The following DIP2C variants were observed in gnomAD, a reference collection of about 807,000 sequenced individuals.
DIP2C encodes the protein disco-interacting protein 2 homolog C.
DIP2C carries 33 observed loss-of-function variants against 192.4 expected under a neutral mutation model. The ratio of observed to expected loss-of-function variants is 0.17; its 90% CI spans 0.13 to 0.23. The LOEUF (loss-of-function observed/expected upper bound fraction) is 0.23, where lower values mean the gene tolerates loss of function less well. Among genes scored for constraint, DIP2C ranks in the 10% least tolerant of loss-of-function variants. The pLI is 1.00. For synonymous variants in DIP2C, 979 were observed against 864.1 expected (o/e 1.13, Z -2.33); for missense variants, 1,537 against 2,110.1 (o/e 0.73, Z 5.32).
chr10:568,522 C>A (rs977027175), intron 1 of DIP2C, among the ~76,000 whole-genome samples: 3 of 152,046 alleles, frequency 2.0e-5, no homozygotes, highest in Non-Finnish European at 2.9e-5. Context: ...AATCCCAGCA[C>A]TTTGGGAGGC....
chr10:517,479 G>T (rs1006046191), intron 1 of DIP2C, among the ~76,000 whole-genome samples: 7 of 152,164 alleles, frequency 4.6e-5, no homozygotes, highest in Admixed American at 3.3e-4. Context: ...CATGAAGACA[G>T]GGTCACTCTG....
intron 3 of DIP2C, among the ~76,000 whole-genome samples, chr10:456,575 G>C (rs1057307331): frequency 6.6e-6 from 1 of 152,222 alleles, no homozygotes; most frequent in African/African-American, 2.4e-5. Context: ...CCTGGTTAGT[G>C]TGACCCAAGT....
At position 370,375 on chromosome 10, in the gene DIP2C, C is replaced by T. The variant is rs573364295; in HGVS notation, c.1992-742G>A. Among the ~76,000 whole-genome samples the T allele has an allele frequency of 2.6e-5, 4 of 152,316 alleles. No homozygotes were observed. The South Asian group carries it at 6.2e-4, about 24-fold the overall frequency. On this transcript the variant is annotated intron_variant, in intron 17 of 36. Transcript: ENST00000280886. ...GCCTTGGGGCTTCTGTGCTGGTTCT[C>T]GCTGCTACCCAGGACGTTCCTCCGG...
At chr10:410,498 C>T (rs1007988374) in intron 8 of DIP2C, among the ~76,000 whole-genome samples, 1 of 152,192 alleles carries the variant, frequency 6.6e-6, no homozygotes, top group East Asian at 1.9e-4. Flanking sequence ...TGGAAAAGAT[C>T]ACTGGCTCAT....
chr10:433,102 T>C (rs934390500), intron 4 of DIP2C, among the ~76,000 whole-genome samples: 2 of 152,250 alleles, frequency 1.3e-5, no homozygotes, highest in Admixed American at 1.3e-4. Flanking sequence ...ATGTCAATTA[T>C]ATACAGTTGA....
intron 1 of DIP2C, among the ~76,000 whole-genome samples, chr10:642,547 G>C (rs1414538953): frequency 6.6e-6 from 1 of 152,224 alleles, no homozygotes; most frequent in African/African-American, 2.4e-5. Flanking sequence ...TAACACATTG[G>C]CCAACACAAC....
Position 316,061 on chromosome 10 carries a change from T to G in DIP2C, c.3925-5969A>C, listed in dbSNP as rs1364326042. On this transcript the variant is annotated intron_variant, in intron 31 of 36. Coordinates refer to ENST00000280886, the MANE Select transcript of DIP2C (RefSeq NM_014974.3). ...ATACCCCCCACCTCTTCATAGATGT[T>G]GTACACCTTTTCAACGAATTTCTGG... Among the ~76,000 whole-genome samples the G allele has an allele frequency of 4.6e-5, 7 of 152,186 alleles. No homozygotes were observed. The East Asian group carries it at 1.2e-3, about 25-fold the overall frequency.
At chr10:541,914 G>C (rs778910039) in intron 1 of DIP2C, among the ~76,000 whole-genome samples, 1 of 152,168 alleles carries the variant, frequency 6.6e-6, no homozygotes, top group South Asian at 2.1e-4. Context: ...GTCGGGTCAA[G>C]CACCAACAAT....
At chr10:621,752 C>T (rs138651293) in intron 1 of DIP2C, among the ~76,000 whole-genome samples, 63 of 152,304 alleles carry the variant, frequency 4.1e-4, no homozygotes, top group African/African-American at 1.3e-3. Context: ...GAACAAAAGA[C>T]GGCAGGAGCT....
intron 1 of DIP2C, among the ~76,000 whole-genome samples, chr10:520,616 G>GC (rs1846641449): frequency 6.6e-6 from 1 of 152,166 alleles, no homozygotes; most frequent in Admixed American, 6.5e-5. Context: ...TGTCTGAGCA[G>GC]CTCCCTGCTC....
At position 636,450 on chromosome 10, in the gene DIP2C, C is replaced by T. The variant is rs538147073; in HGVS notation, c.85+53044G>A. 4.6e-5 allele frequency among the ~76,000 whole-genome samples: 7 copies of T among 152,232 alleles called. No homozygotes were observed. In the East Asian group the frequency reaches 1.2e-3, roughly 25 times the overall value. On this transcript the variant is annotated intron_variant, in intron 1 of 36. Coordinates refer to ENST00000280886, the MANE Select transcript of DIP2C (RefSeq NM_014974.3). The surrounding 1 kb of genome is among the most constrained non-coding windows in gnomAD (Gnocchi z 4.6). ...TGTAGATTATACAGAGAGACAGATT[C>T]GTTTCTCCTCTGGAGCCAGTTGAAG... is the stretch of plus-strand genomic sequence containing the variant.
intron 5 of DIP2C, among the ~76,000 whole-genome samples, chr10:421,501 T>C (rs957924564): frequency 6.6e-6 from 1 of 152,088 alleles, no homozygotes; most frequent in Admixed American, 6.5e-5. Flanking sequence ...GGATCCAATA[T>C]ACACATGGAA....
At position 344,952 on chromosome 10, in the gene DIP2C, C is replaced by G. The variant is rs764818631; in HGVS notation, c.3344-34G>C. The G allele has an allele frequency of 1.3e-5, 21 of 1,604,622 alleles. No homozygotes were observed. The South Asian group carries it at 2.2e-4, about 17-fold the overall frequency. ...GAACATGACTATCAGCAGATCCAGC[C>G]TGAGCAAGGCCGTGAGCAAACCACC... On this transcript the variant is annotated intron_variant, in intron 27 of 36. Transcript: ENST00000280886.
intron 1 of DIP2C, among the ~76,000 whole-genome samples, chr10:560,805 C>T (rs1000739199): frequency 6.6e-6 from 1 of 151,944 alleles, no homozygotes; most frequent in Non-Finnish European, 1.5e-5. Flanking sequence ...AGGCCATGAT[C>T]GGTGGGGGGT....
intron 2 of DIP2C, among the ~76,000 whole-genome samples, chr10:482,540 C>T (rs776340973): frequency 2.0e-4 from 31 of 152,172 alleles, no homozygotes; most frequent in Non-Finnish European, 3.8e-4. Context: ...TCAAGCTGTC[C>T]GGCTATTGAA....
intron 1 of DIP2C, among the ~76,000 whole-genome samples, chr10:566,537 A>G (rs1417960519): frequency 6.6e-6 from 1 of 152,230 alleles, no homozygotes; most frequent in Non-Finnish European, 1.5e-5. Flanking sequence ...ACGTTCAGAT[A>G]GCAACACAGA....
intron 1 of DIP2C, among the ~76,000 whole-genome samples, chr10:563,210 G>A (rs1173309643): frequency 5.3e-5 from 8 of 152,208 alleles, no homozygotes; most frequent in South Asian, 2.1e-4. Flanking sequence ...CCCTGCAGGC[G>A]GGCTTGGTGC....
chr10:668,047 CAACA>C (rs964052133), intron 1 of DIP2C: 4 of 152,102 alleles, frequency 2.6e-5, no homozygotes, highest in Admixed American at 2.6e-4. Flanking sequence ...ACTCACAACA[CAACA>C]TACACATACA....
At chr10:422,223 C>T (rs1295993451) in intron 5 of DIP2C, among the ~76,000 whole-genome samples, 1 of 152,202 alleles carries the variant, frequency 6.6e-6, no homozygotes, top group Non-Finnish European at 1.5e-5. Context: ...TACTACTGAA[C>T]CGTTCAAAGG....
Sources: gnomAD v4.1 joint callset for allele counts (sites outside exome capture counted in the v4.1 genomes callset) on GRCh38, gnomAD v4.1.1 for gene constraint, Gnocchi (gnomAD v3.1) non-coding constraint, MANE v1.5 for transcripts, NCBI Gene and HGNC (gene_info 2026-07-23, HGNC 2026-07-21) for gene names.